TYW1B: variants seen among roughly 807,000 people sequenced by gnomAD.
TYW1B encodes S-adenosyl-L-methionine-dependent tRNA 4-demethylwyosine synthase TYW1B.
A neutral mutation model predicts 86.9 loss-of-function variants in TYW1B; 73 were observed. The ratio of observed to expected loss-of-function variants is 0.84; its 90% confidence interval spans 0.70 to 1.02. The LOEUF is 1.02. Ranked by LOEUF, TYW1B falls within the 50% of genes least tolerant of loss-of-function variation. TYW1B has a pLI of 0.00. For missense variants in TYW1B, 637 were observed against 827.4 expected (o/e 0.77, Z 2.82); for synonymous variants, 248 against 292.8 (o/e 0.85, Z 1.56).
chr7:72,798,687 C>T (rs572924880), intron 6 of TYW1B, among the ~76,000 whole-genome samples: 1 of 152,246 alleles, frequency 6.6e-6, no homozygotes, highest in African/African-American at 2.4e-5. Context: ...TTGGTAAAAA[C>T]TGTCAAAAGC....
intron 11 of TYW1B, among the ~76,000 whole-genome samples, chr7:72,658,253 T>TA (rs782693151): frequency 5.3e-3 from 410 of 77,044 alleles, no homozygotes; most frequent in South Asian, 0.035. Context: ...TCCGTCTCAA[T>TA]AAAAAAAAAA....
chr7:72,588,811 T>C (rs1366587021), intron 13 of TYW1B, among the ~76,000 whole-genome samples: 18 of 152,122 alleles, frequency 1.2e-4, no homozygotes, highest in Non-Finnish European at 2.6e-4. Context: ...TGGACAAGAC[T>C]TGCACTTTTT....
chr7:72,775,230 T>C (rs1193428759), intron 7 of TYW1B, among the ~76,000 whole-genome samples: 3 of 151,924 alleles, frequency 2.0e-5, no homozygotes, highest in African/African-American at 7.3e-5. Flanking sequence ...AGCAAGTGGG[T>C]GGGTGGGGAG....
At chr7:72,599,747 G>A (rs1440290242) in intron 13 of TYW1B, among the ~76,000 whole-genome samples, 1 of 151,850 alleles carries the variant, frequency 6.6e-6, no homozygotes, top group Non-Finnish European at 1.5e-5. Context: ...ATACTAGCAA[G>A]GAACAACTGG....
chr7:72,801,345 A>T (rs1217085353), intron 6 of TYW1B, among the ~76,000 whole-genome samples: 1 of 152,120 alleles, frequency 6.6e-6, no homozygotes, highest in Non-Finnish European at 1.5e-5. Flanking sequence ...ATAAAAAATA[A>T]ATTAATCGGT....
intron 3 of TYW1B, among the ~76,000 whole-genome samples, chr7:72,813,244 C>T (rs1788658097): frequency 6.7e-6 from 1 of 149,074 alleles, no homozygotes; most frequent in Non-Finnish European, 1.5e-5. Context: ...GGCGCAATCT[C>T]GGCTCACTGC....
intron 13 of TYW1B, among the ~76,000 whole-genome samples, chr7:72,609,575 A>T (rs552041779): frequency 1.6e-4 from 25 of 152,142 alleles, no homozygotes; most frequent in South Asian, 6.2e-4. Context: ...AAAATAAAAA[A>T]AAATAAATAA....
intron 10 of TYW1B, among the ~76,000 whole-genome samples, chr7:72,712,748 T>C (rs1161151875): frequency 4.6e-5 from 7 of 152,190 alleles, no homozygotes; most frequent in African/African-American, 1.7e-4. Flanking sequence ...TCTCCCCAAT[T>C]GCATACCATG....
intron 8 of TYW1B, among the ~76,000 whole-genome samples, chr7:72,733,609 T>TC (rs1787150618): frequency 2.6e-5 from 4 of 151,936 alleles, no homozygotes; most frequent in African/African-American, 9.7e-5. Flanking sequence ...TGCAGTGAAC[T>TC]GAGATTGTGC....
intron 5 of TYW1B, among the ~76,000 whole-genome samples, chr7:72,802,765 C>G (rs1325796410): frequency 1.3e-5 from 2 of 152,070 alleles, no homozygotes; most frequent in African/African-American, 4.8e-5. Flanking sequence ...GGATCACAGG[C>G]GCCTACCACC....
At chr7:72,800,994 A>G (rs1788395266) in intron 6 of TYW1B, among the ~76,000 whole-genome samples, 1 of 152,170 alleles carries the variant, frequency 6.6e-6, no homozygotes. Context: ...GGAATGTTTT[A>G]AAGTTTTCCA....
At chr7:72,592,484 G>A (rs563204920) in intron 13 of TYW1B, among the ~76,000 whole-genome samples, 8 of 152,302 alleles carry the variant, frequency 5.3e-5, no homozygotes, top group African/African-American at 1.9e-4. Context: ...TTCAGAAAAT[G>A]AGACAAAAAA....
intron 1 of TYW1B, among the ~76,000 whole-genome samples, chr7:72,827,478 C>T (rs1788955935): frequency 6.6e-6 from 1 of 152,090 alleles, no homozygotes; most frequent in South Asian, 2.1e-4. Flanking sequence ...AATTATCATA[C>T]TGTTAACACT....
At chr7:72,809,992 C>A (rs1788573611) in intron 4 of TYW1B, among the ~76,000 whole-genome samples, 1 of 14,518 alleles carries the variant, frequency 6.9e-5, no homozygotes. Context: ...GAGCAAGACT[C>A]TGTTTCCAAA....
chr7:72,787,211 T>A (rs1350379188), intron 6 of TYW1B, among the ~76,000 whole-genome samples: 1 of 151,910 alleles, frequency 6.6e-6, no homozygotes. Flanking sequence ...GTGGCTATCC[T>A]AGCACTTTGG....
At chr7:72,595,303 A>C (rs1406444996) in intron 13 of TYW1B, among the ~76,000 whole-genome samples, 1 of 152,222 alleles carries the variant, frequency 6.6e-6, no homozygotes, top group Non-Finnish European at 1.5e-5. Flanking sequence ...GCAGGATACA[A>C]AGTTAACATG....
chr7:72,582,189 C>T (rs1330122872), intron 13 of TYW1B, among the ~76,000 whole-genome samples: 6 of 151,298 alleles, frequency 4.0e-5, no homozygotes, highest in East Asian at 1.9e-4. Context: ...AGGATATATT[C>T]GTTGAAATAA....
intron 11 of TYW1B, among the ~76,000 whole-genome samples, chr7:72,693,192 A>G (rs1218496958): frequency 5.9e-5 from 9 of 152,100 alleles, no homozygotes; most frequent in Non-Finnish European, 8.8e-5. Flanking sequence ...GGAAGGAAAG[A>G]AGGAGGATTA....
chr7:72,619,830 C>G (rs1812172608), intron 12 of TYW1B, among the ~76,000 whole-genome samples: 2 of 152,136 alleles, frequency 1.3e-5, no homozygotes, highest in Non-Finnish European at 2.9e-5. Flanking sequence ...GCAGTAGCTA[C>G]TTCAAAGGAC....
Sources: gnomAD v4.1 joint callset for allele counts (sites outside exome capture counted in the v4.1 genomes callset) on GRCh38, gnomAD v4.1.1 for gene constraint, MANE v1.5 for transcripts, NCBI Gene and HGNC (gene_info 2026-07-23, HGNC 2026-07-21) for gene names.